The following TRIM49C variants were observed in gnomAD, a reference collection of about 807,000 sequenced individuals.
TRIM49C encodes tripartite motif containing 49C.
TRIM49C carries 6 observed loss-of-function variants against 21.4 expected under a neutral mutation model. The observed-to-expected ratio is 0.28, with a 90% CI of 0.15 to 0.55. The LOEUF (loss-of-function observed/expected upper bound fraction) is 0.55, where lower values mean the gene tolerates loss of function less well. Ranked by LOEUF, TRIM49C falls within the 20% of genes least tolerant of loss-of-function variation. TRIM49C has a pLI of 0.94. For synonymous variants in TRIM49C, 57 were observed against 148.1 expected (o/e 0.38, Z 4.47); for missense variants, 161 against 442.4 (o/e 0.36, Z 5.71).
intron 2 of TRIM49C, among the ~76,000 whole-genome samples, chr11:90,033,902 C>T (rs374890267): frequency 4.0e-5 from 5 of 124,192 alleles, no homozygotes; most frequent in African/African-American, 6.0e-5. Context: ...GCCGAGATCA[C>T]GCCACTGCAT....
the TRIM49C span, chr11:90,073,490 C>G: frequency 5.3e-6 from 2 of 379,052 alleles, no homozygotes; most frequent in East Asian, 9.4e-5. Flanking sequence ...CTTTTTTCTA[C>G]TTTAGTGTCA....
chr11:90,064,271 G>C, the TRIM49C span, among the ~76,000 whole-genome samples: 1 of 151,154 alleles, frequency 6.6e-6, no homozygotes, highest in Non-Finnish European at 1.5e-5. Flanking sequence ...ATTTAGGAAA[G>C]TTTTTTCCCA....
At chr11:90,047,023 G>T (rs1950804762), downstream of TRIM49C, among the ~76,000 whole-genome samples, 1 of 123,562 alleles carries the variant, frequency 8.1e-6, no homozygotes, top group African/African-American at 3.3e-5. Flanking sequence ...ATTTCGTTAT[G>T]TACCCGGTAG....
At chr11:90,038,922 G>A (rs1238379783) in intron 6 of TRIM49C, among the ~76,000 whole-genome samples, 3 of 136,856 alleles carry the variant, frequency 2.2e-5, no homozygotes, top group African/African-American at 7.7e-5. Flanking sequence ...TTTGATTCCT[G>A]GTTTTGTTTT....
chr11:90,049,097 A>C, the TRIM49C span, among the ~76,000 whole-genome samples: 1 of 125,736 alleles, frequency 8.0e-6, no homozygotes, highest in African/African-American at 3.2e-5. Context: ...GCTGAACAGC[A>C]AATGTTGCTG....
the TRIM49C span, among the ~76,000 whole-genome samples, chr11:90,055,313 GA>G: frequency 7.0e-6 from 1 of 143,776 alleles, no homozygotes; most frequent in Non-Finnish European, 1.5e-5. Flanking sequence ...ATACAAGTAT[GA>G]TGTTTCTTGC....
At chr11:90,072,173 T>A in the TRIM49C span, among the ~76,000 whole-genome samples, 7 of 141,998 alleles carry the variant, frequency 4.9e-5, 1 homozygote, top group African/African-American at 1.0e-4. Flanking sequence ...AGTGTTTTTT[T>A]AAATACATTT....
the TRIM49C span, among the ~76,000 whole-genome samples, chr11:90,059,948 C>T: frequency 1.4e-5 from 2 of 140,922 alleles, no homozygotes; most frequent in Non-Finnish European, 3.0e-5. Flanking sequence ...GAGTAGAAGA[C>T]ACCTCTATGA....
the TRIM49C span, among the ~76,000 whole-genome samples, chr11:90,055,693 C>G: frequency 2.0e-5 from 3 of 146,362 alleles, no homozygotes; most frequent in Non-Finnish European, 4.5e-5. Flanking sequence ...ATACTCTTGT[C>G]CCTCCTACTT....
chr11:90,037,091 GTA>G (rs1211536644), intron 4 of TRIM49C, among the ~76,000 whole-genome samples: 1,995 of 132,932 alleles, frequency 0.015, 86 homozygotes, highest in African/African-American at 0.05. Context: ...ATGTATGTAT[GTA>G]TGTATGTGTG....
the TRIM49C span, among the ~76,000 whole-genome samples, chr11:90,072,081 A>G: frequency 7.1e-6 from 1 of 141,468 alleles, no homozygotes; most frequent in African/African-American, 2.5e-5. Flanking sequence ...GTATACAATT[A>G]TTACATGAAG....
chr11:90,054,136 G>A, the TRIM49C span, among the ~76,000 whole-genome samples: 21 of 134,062 alleles, frequency 1.6e-4, 3 homozygotes, highest in African/African-American at 5.5e-4. Flanking sequence ...CTCAAATACG[G>A]ACTTTAAACT....
Position 90,041,507 on chromosome 11 carries a change from T to C in TRIM49C, c.1316T>C (p.Phe439Ser). Residue 439 changes from phenylalanine to serine, a missense_variant, in exon 8 of 8, where the codon TTC becomes TCC. This residue lies in a region of TRIM49C where 18 missense variants were observed against 60.0 expected (regional missense o/e 0.30). Transcript: ENST00000448984. ...SLIYTIPNCS[F>S]SPPLRPIFCC... is the part of the protein sequence containing the mutation. ...ATATACACCATCCCTAATTGCTCTT[T>C]CTCACCTCCTCTCAGGCCTATCTTT... The C allele has an allele frequency of 1.4e-6, 2 of 1,457,180 alleles. No individual in the cohort carries two copies. Among genetic ancestry groups the C allele is most frequent in the South Asian group, 2.5e-5 (2 of 80,518 alleles). The allele number at this position is 1,457,180 out of a possible 1,614,324, so 90.3% of individuals were successfully genotyped here.
At chr11:90,066,163 G>A in the TRIM49C span, among the ~76,000 whole-genome samples, 3 of 135,040 alleles carry the variant, frequency 2.2e-5, 1 homozygote, top group African/African-American at 7.9e-5. Flanking sequence ...TGGGATTACA[G>A]GCACCTGCCA....
At chr11:90,042,254 A>G (rs1950776154), downstream of TRIM49C, among the ~76,000 whole-genome samples, 1 of 145,786 alleles carries the variant, frequency 6.9e-6, no homozygotes, top group Non-Finnish European at 1.5e-5. Context: ...ACCTGATACA[A>G]TATTCTCATA....
Position 90,033,226 on chromosome 11 carries a change from C to T in TRIM49C, c.-5+644C>T, listed in dbSNP as rs1380319631. Among the ~76,000 whole-genome samples, 4 of 125,200 alleles carry T rather than the reference C, an allele frequency of 3.2e-5. 1 individual carries two copies. In the South Asian group the frequency reaches 1.2e-3, roughly 36 times the overall value. 82.1% of individuals were successfully genotyped at this position (125,200 alleles called of 152,430 possible). On this transcript the variant is annotated intron_variant, in intron 2 of 7. Transcript: ENST00000448984. ...TTTGCAATTCTAAGATTTTTCACTGCTTTCACTTAAATTCAGAAGTGATAT... is the reference window on the plus strand; with the variant it reads ...TTTGCAATTCTAAGATTTTTCACTGTTTTCACTTAAATTCAGAAGTGATAT...
chr11:90,073,062 A>G, the TRIM49C span: 1 of 657,786 alleles, frequency 1.5e-6, no homozygotes, highest in Non-Finnish European at 2.7e-6. Flanking sequence ...GGCAAACACT[A>G]CTGGGAGCTG....
intron 2 of TRIM49C, among the ~76,000 whole-genome samples, chr11:90,034,091 T>C (rs1950707076): frequency 8.1e-6 from 1 of 124,124 alleles, no homozygotes. Flanking sequence ...AGAGTTCCAA[T>C]ATAGGCTGTC....
chr11:90,038,927 T>G (rs1950746829), intron 6 of TRIM49C, among the ~76,000 whole-genome samples: 1 of 137,526 alleles, frequency 7.3e-6, no homozygotes, highest in African/African-American at 2.6e-5. Flanking sequence ...TTCCTGGTTT[T>G]GTTTTTTTTT....
Sources: allele counts gnomAD v4.1 joint callset (sites outside exome capture counted in the v4.1 genomes callset), GRCh38; gene constraint gnomAD v4.1.1; regional missense constraint gnomAD v4.1.1; transcripts MANE v1.5; gene names NCBI Gene and HGNC (gene_info 2026-07-23, HGNC 2026-07-21).